TAF4: variants seen among roughly 807,000 people sequenced by gnomAD.
TAF4 encodes the protein transcription initiation factor TFIID subunit 4.
In TAF4, 9 loss-of-function variants were observed where a neutral mutation model predicts 90.3. The observed-to-expected ratio is 0.10, with a 90% CI of 0.06 to 0.17. The LOEUF (loss-of-function observed/expected upper bound fraction) is 0.17. Among genes scored for constraint, TAF4 ranks in the 10% least tolerant of loss-of-function variants. The pLI is 1.00. For synonymous variants in TAF4, 818 were observed against 638.9 expected (o/e 1.28, Z -4.23); for missense variants, 1,351 against 1,370.7 (o/e 0.99, Z 0.23).
At chr20:62,043,878 G>A (rs376734810) in intron 1 of TAF4, among the ~76,000 whole-genome samples, 5 of 152,282 alleles carry the variant, frequency 3.3e-5, no homozygotes, top group African/African-American at 9.6e-5. Context: ...AGTGGCGCGC[G>A]ACTGTACCTG....
At chr20:61,984,016 CT>C (rs763479594) in intron 14 of TAF4, among the ~76,000 whole-genome samples, 2 of 152,200 alleles carry the variant, frequency 1.3e-5, no homozygotes, top group Non-Finnish European at 1.5e-5. Context: ...ACAGCAGCCC[CT>C]ACCAATAAAA....
intron 1 of TAF4, among the ~76,000 whole-genome samples, chr20:62,061,382 A>G (rs938834760): frequency 2.6e-5 from 4 of 152,244 alleles, no homozygotes; most frequent in African/African-American, 9.6e-5. Flanking sequence ...CACGCCCCCT[A>G]GGCCAAGGGA....
chr20:62,043,040 C>T (rs1324031445), intron 1 of TAF4, among the ~76,000 whole-genome samples: 1 of 152,136 alleles, frequency 6.6e-6, no homozygotes, highest in Non-Finnish European at 1.5e-5. Flanking sequence ...GAAAAAAGCT[C>T]GCTGGGCGTG....
chr20:61,988,706 C>T (rs962202271), intron 14 of TAF4, among the ~76,000 whole-genome samples: 4 of 151,794 alleles, frequency 2.6e-5, no homozygotes, highest in African/African-American at 7.2e-5. Flanking sequence ...AAAAGGCAAG[C>T]GAAACAACTG....
intron 3 of TAF4, among the ~76,000 whole-genome samples, chr20:62,011,071 C>A (rs1476482998): frequency 6.6e-6 from 1 of 152,186 alleles, no homozygotes; most frequent in Non-Finnish European, 1.5e-5. Context: ...GCAGCCCCGC[C>A]AGCACGTGGG....
At chr20:62,044,350 A>G (rs2055981011) in intron 1 of TAF4, among the ~76,000 whole-genome samples, 1 of 152,362 alleles carries the variant, frequency 6.6e-6, no homozygotes, top group African/African-American at 2.4e-5. Context: ...GAAAAAGAAT[A>G]TATGTGTGTA....
intron 1 of TAF4, among the ~76,000 whole-genome samples, chr20:62,055,143 C>CAATTGTAT (rs2056053326): frequency 2.6e-5 from 4 of 151,308 alleles, no homozygotes; most frequent in African/African-American, 9.7e-5. Flanking sequence ...TTCACACTGC[C>CAATTGTAT]TGCGGGCAGT....
intron 1 of TAF4, among the ~76,000 whole-genome samples, chr20:62,051,184 G>C (rs1360362076): frequency 6.6e-6 from 1 of 152,188 alleles, no homozygotes; most frequent in Non-Finnish European, 1.5e-5. Context: ...GGAGCAAGAA[G>C]GGACCAAGTC....
At chr20:62,009,001 C>T (rs1304500503) in intron 5 of TAF4, 51 bp downstream of exon 5, 1 of 1,593,342 alleles carries the variant, frequency 6.3e-7, no homozygotes, top group Admixed American at 1.8e-5. Flanking sequence ...AGGTGTCTGT[C>T]CTATGCAACA....
intron 1 of TAF4, among the ~76,000 whole-genome samples, chr20:62,052,837 C>G (rs6061989): frequency 7.2e-6 from 1 of 139,740 alleles, no homozygotes; most frequent in African/African-American, 2.7e-5. Context: ...CTCGCGCCAT[C>G]CCCCATATCC....
chr20:62,034,753 T>C (rs962650641), intron 1 of TAF4, among the ~76,000 whole-genome samples: 4 of 152,144 alleles, frequency 2.6e-5, no homozygotes, highest in African/African-American at 9.7e-5. Context: ...TAAAACTTGA[T>C]TGAAAAATAT....
chr20:61,991,393 C>T (rs1486818976), intron 14 of TAF4, among the ~76,000 whole-genome samples: 1 of 151,658 alleles, frequency 6.6e-6, no homozygotes, highest in Non-Finnish European at 1.5e-5. Flanking sequence ...CACTGCACTC[C>T]AGCCTGGGTG....
intron 1 of TAF4, among the ~76,000 whole-genome samples, chr20:62,060,559 G>A (rs937520551): frequency 1.3e-5 from 2 of 152,262 alleles, no homozygotes; most frequent in African/African-American, 4.8e-5. Context: ...GGGGCAGGGA[G>A]GAAGGGAAGA....
chr20:62,013,995 C>A (rs2055796399), intron 2 of TAF4, among the ~76,000 whole-genome samples: 1 of 145,886 alleles, frequency 6.9e-6, no homozygotes, highest in Non-Finnish European at 1.5e-5. Context: ...GAGCTTCGGC[C>A]CTGAAGGCTG....
chr20:62,013,638 G>A (rs561320827), intron 2 of TAF4, among the ~76,000 whole-genome samples: 3 of 152,370 alleles, frequency 2.0e-5, no homozygotes, highest in South Asian at 4.1e-4. Flanking sequence ...CGCAGCTCAC[G>A]TAGCAGGAGA....
At chr20:62,047,143 G>C (rs1262301939) in intron 1 of TAF4, among the ~76,000 whole-genome samples, 3 of 152,124 alleles carry the variant, frequency 2.0e-5, no homozygotes, top group Admixed American at 6.5e-5. Context: ...CAGTCATAAA[G>C]ACCATCACTG....
At chr20:62,036,377 A>AC (rs1358231187) in intron 1 of TAF4, among the ~76,000 whole-genome samples, 1 of 152,062 alleles carries the variant, frequency 6.6e-6, no homozygotes, top group South Asian at 2.1e-4. Flanking sequence ...AGCATTTTAC[A>AC]CCCCCAGATT....
intron 1 of TAF4, among the ~76,000 whole-genome samples, chr20:62,032,871 C>T (rs1276425951): frequency 6.6e-6 from 1 of 152,164 alleles, no homozygotes; most frequent in African/African-American, 2.4e-5. Context: ...CCTAGAGCTT[C>T]CGATCAATCC....
intron 14 of TAF4, among the ~76,000 whole-genome samples, chr20:61,994,131 T>C (rs1381756420): frequency 6.6e-6 from 1 of 152,022 alleles, no homozygotes; most frequent in Non-Finnish European, 1.5e-5. Flanking sequence ...CTAATCAATA[T>C]CTTTCACCTC....
Sources: allele counts gnomAD v4.1 joint callset (sites outside exome capture counted in the v4.1 genomes callset), GRCh38; gene constraint gnomAD v4.1.1; transcripts MANE v1.5; gene names NCBI Gene and HGNC (gene_info 2026-07-23, HGNC 2026-07-21).